Variants in AK5 observed in about 807,000 individuals in gnomAD.
AK5 encodes adenylate kinase 5.
In AK5, 27 loss-of-function variants were observed where a neutral mutation model predicts 69.5. The observed-to-expected ratio is 0.39, with a 90% CI of 0.29 to 0.54. The LOEUF (loss-of-function observed/expected upper bound fraction) is 0.54, where lower values mean the gene tolerates loss of function less well. Ranked by LOEUF, AK5 falls within the 20% of genes least tolerant of loss-of-function variation. The probability of loss-of-function intolerance (pLI) is 0.71; values close to 1 mark genes in which losing one functional copy is unlikely to be tolerated. For synonymous variants in AK5, 260 were observed against 244.4 expected, an observed-to-expected ratio of 1.06 and a Z score of -0.60; for missense variants, 531 against 700.4, an observed-to-expected ratio of 0.76 and a Z score of 2.73.
At chr1:77,287,174 C>T in intron 2 of AK5, 47 bp downstream of exon 2, 2 of 1,323,858 alleles carry the variant, frequency 1.5e-6, no homozygotes, top group Non-Finnish European at 2.0e-6. Context: ...TATAGCAATT[C>T]TCTTTAAAAC....
At chr1:77,475,408 T>A (rs1408101083) in intron 8 of AK5, among the ~76,000 whole-genome samples, 171 of 1,890 alleles carry the variant, frequency 0.09, 5 homozygotes, top group Non-Finnish European at 0.2. Flanking sequence ...AATATATATG[T>A]ATATATATAC....
intron 13 of AK5, 128 bp from the exon 14 acceptor site, chr1:77,558,474 T>G: frequency 7.5e-6 from 4 of 534,556 alleles, no homozygotes; most frequent in Non-Finnish European, 1.0e-5. Context: ...TTTCTCTGTG[T>G]TTTGGGGGGG....
intron 6 of AK5, among the ~76,000 whole-genome samples, chr1:77,366,235 A>G (rs1327454098): frequency 6.6e-6 from 1 of 152,274 alleles, no homozygotes; most frequent in African/African-American, 2.4e-5. Flanking sequence ...TTAAGCCTCT[A>G]TTTGCTCATC....
intron 6 of AK5, among the ~76,000 whole-genome samples, chr1:77,376,641 TAAG>T (rs1358726076): frequency 6.6e-6 from 1 of 151,930 alleles, no homozygotes; most frequent in Non-Finnish European, 1.5e-5. Flanking sequence ...ATGGATGAAA[TAAG>T]AAATACAGAA....
chr1:77,374,792 C>T (rs1172892944), intron 6 of AK5, among the ~76,000 whole-genome samples: 3 of 151,168 alleles, frequency 2.0e-5, no homozygotes, highest in Non-Finnish European at 2.9e-5. Flanking sequence ...TACTCTCCAG[C>T]CTGGACAACA....
chr1:77,343,524 T>C (rs1661764195), intron 6 of AK5, among the ~76,000 whole-genome samples: 1 of 152,204 alleles, frequency 6.6e-6, no homozygotes, highest in South Asian at 2.1e-4. Flanking sequence ...TGGTAGATGA[T>C]AGTAATGCAG....
intron 6 of AK5, among the ~76,000 whole-genome samples, chr1:77,381,109 A>T (rs918231978): frequency 6.6e-6 from 1 of 152,154 alleles, no homozygotes; most frequent in African/African-American, 2.4e-5. Context: ...GAATTTGTAC[A>T]TTGGAACCTA....
At chr1:77,540,155 A>G (rs1413557223) in intron 13 of AK5, among the ~76,000 whole-genome samples, 2 of 152,238 alleles carry the variant, frequency 1.3e-5, no homozygotes, top group Admixed American at 6.5e-5. Flanking sequence ...TCAAACAAAG[A>G]TAATTTTTAA....
At chr1:77,343,195 T>C (rs919428102) in intron 6 of AK5, among the ~76,000 whole-genome samples, 1 of 152,188 alleles carries the variant, frequency 6.6e-6, no homozygotes, top group Non-Finnish European at 1.5e-5. Context: ...GGATTGGGAT[T>C]CCCTGTGGTG....
intron 6 of AK5, among the ~76,000 whole-genome samples, chr1:77,385,428 G>T (rs948084291): frequency 2.6e-5 from 4 of 152,088 alleles, no homozygotes; most frequent in African/African-American, 7.2e-5. Flanking sequence ...CAAAGTGGTG[G>T]GATTACAGGC....
At chr1:77,403,569 C>T (rs1250111915) in intron 6 of AK5, among the ~76,000 whole-genome samples, 1 of 152,204 alleles carries the variant, frequency 6.6e-6, no homozygotes, top group Non-Finnish European at 1.5e-5. Context: ...TTCCCCATTG[C>T]TTGTTTTTCT....
chr1:77,394,760 A>ATTATATGATAGATATGATAG lies in AK5; in HGVS notation c.892-16220_892-16219insTATATGATAGATATGATAGT, dbSNP rs541430937. 3.6e-3 allele frequency among the ~76,000 whole-genome samples: 555 copies of ATTATATGATAGATATGATAG among 152,304 alleles called. 4 individuals carry two copies. Among genetic ancestry groups the ATTATATGATAGATATGATAG allele is most frequent in the South Asian group, 0.014 (70 of 4,830 alleles). On this transcript the variant is annotated intron_variant, in intron 6 of 13. Coordinates refer to ENST00000354567, the MANE Select transcript of AK5 (RefSeq NM_174858.3). ...TTCTTAAAAGGTCAAAACATAATCT[A>ATTATATGATAGATATGATAG]TATTATATGATACTAGAGAAAAACA...
intron 5 of AK5, among the ~76,000 whole-genome samples, chr1:77,324,333 G>A (rs1280600400): frequency 6.6e-6 from 1 of 150,648 alleles, no homozygotes; most frequent in Non-Finnish European, 1.5e-5. Flanking sequence ...GTGTGTGTGT[G>A]TGTGTGTGTG....
chr1:77,500,009 T>G (rs1484777523), intron 10 of AK5, among the ~76,000 whole-genome samples: 1 of 149,828 alleles, frequency 6.7e-6, no homozygotes, highest in Non-Finnish European at 1.5e-5. Flanking sequence ...TTAAGTTACT[T>G]CCCCCCAAGT....
intron 6 of AK5, among the ~76,000 whole-genome samples, chr1:77,377,403 A>G (rs1340593272): frequency 6.6e-6 from 1 of 152,148 alleles, no homozygotes; most frequent in African/African-American, 2.4e-5. Flanking sequence ...CTTAGGCCCA[A>G]GTTCTCATCA....
intron 12 of AK5, among the ~76,000 whole-genome samples, chr1:77,534,582 T>A (rs535668638): frequency 2.0e-5 from 3 of 152,218 alleles, no homozygotes; most frequent in Non-Finnish European, 4.4e-5. Flanking sequence ...AATCCTATGA[T>A]CATCCTCATT....
chr1:77,384,735 A>G (rs1446447918), intron 6 of AK5, among the ~76,000 whole-genome samples: 1 of 152,222 alleles, frequency 6.6e-6, no homozygotes, highest in African/African-American at 2.4e-5. Context: ...TCAATGCCCA[A>G]CAGTCACTAT....
At chr1:77,421,893 C>T (rs977141276) in intron 8 of AK5, among the ~76,000 whole-genome samples, 1 of 152,198 alleles carries the variant, frequency 6.6e-6, no homozygotes, top group African/African-American at 2.4e-5. Context: ...GGCTCAGTCA[C>T]AGCCATGGTT....
intron 8 of AK5, among the ~76,000 whole-genome samples, chr1:77,427,886 G>A (rs1309401521): frequency 1.3e-5 from 2 of 152,178 alleles, no homozygotes; most frequent in African/African-American, 2.4e-5. Flanking sequence ...AAAATAAAAA[G>A]CATATAGATT....
Sources: gnomAD v4.1 joint callset for allele counts (sites outside exome capture counted in the v4.1 genomes callset) on GRCh38, gnomAD v4.1.1 for gene constraint, MANE v1.5 for transcripts, NCBI Gene and HGNC (gene_info 2026-07-23, HGNC 2026-07-21) for gene names.